Variants in GOLGA4 observed in about 807,000 individuals in gnomAD.
GOLGA4 encodes golgin A4, also known as golgin subfamily A member 4.
GOLGA4 carries 169 observed loss-of-function variants against 265.9 expected under a neutral mutation model. The ratio of observed to expected loss-of-function variants is 0.64; its 90% CI spans 0.56 to 0.72. The LOEUF is 0.72. Among genes scored for constraint, GOLGA4 ranks in the 30% least tolerant of loss-of-function variants. GOLGA4 has a pLI of 0.00. For synonymous variants in GOLGA4, 923 were observed against 855.8 expected, an observed-to-expected ratio of 1.08 and a Z score of -1.37; for missense variants, 2,482 against 2,483.4, an observed-to-expected ratio of 1.00 and a Z score of 0.01.
intron 21 of GOLGA4, among the ~76,000 whole-genome samples, chr3:37,350,541 T>G (rs2097070586): frequency 1.3e-5 from 2 of 152,114 alleles, no homozygotes; most frequent in Non-Finnish European, 2.9e-5. Flanking sequence ...TAAAAAAACC[T>G]TTATAGATAG....
intron 4 of GOLGA4, among the ~76,000 whole-genome samples, 185 bp downstream of exon 4, chr3:37,286,246 C>T (rs529869487): frequency 0.014 from 2,030 of 148,358 alleles, 46 homozygotes; most frequent in African/African-American, 0.048. Context: ...CTCCGCCTCC[C>T]GGGTTCACGC....
At chr3:37,254,772 G>C (rs914788357) in intron 2 of GOLGA4, among the ~76,000 whole-genome samples, 6 of 150,424 alleles carry the variant, frequency 4.0e-5, no homozygotes, top group African/African-American at 1.2e-4. Flanking sequence ...AAAGTGCTGG[G>C]ATTACGGGCG....
chr3:37,337,552 G>A lies in GOLGA4; in HGVS notation c.6328-114G>A, dbSNP rs2097018347. 5 of 702,962 alleles carry A rather than the reference G, an allele frequency of 7.1e-6. 1 individual carries two copies. The Admixed American group carries it at 8.7e-5, about 12-fold the overall frequency. The allele number at this position is 702,962 out of a possible 1,614,324, so 43.5% of individuals were successfully genotyped here. On this transcript the variant is annotated intron_variant, in intron 18 of 23. Coordinates refer to ENST00000361924, the MANE Select transcript of GOLGA4 (RefSeq NM_002078.5). ...AAGTCATGCATTTTAGGGGTATTCA[G>A]TGTTATAAGTTAAAACTTAAAAAGA...
Position 37,324,967 on chromosome 3 carries a change from A to C in GOLGA4, c.3081A>C (p.Glu1027Asp), listed in dbSNP as rs770279303. 1.2e-6 allele frequency: 2 copies of C among 1,613,514 alleles called. No individual in the cohort carries two copies. Among genetic ancestry groups the C allele is most frequent in the South Asian group, 2.2e-5 (2 of 91,026 alleles). The change falls in exon 14 of 24, where the codon GAA becomes GAC. Residue 1027 changes from glutamate to aspartate, a missense_variant. This residue lies in a region of GOLGA4 where 1,536 missense variants were observed against 1,483.7 expected (regional missense o/e 1.04). Transcript: ENST00000361924. Reference sequence around the variant, plus strand: ...CAAGACTGGAAACAAACCAAAAAGAACAAATAGAAAGTCTTACTGAGGTTC... The same window carrying C: ...CAAGACTGGAAACAAACCAAAAAGACCAAATAGAAAGTCTTACTGAGGTTC... ...AVSRLETNQK[E>D]QIESLTEVHR... is the part of the protein sequence containing the mutation.
chr3:37,308,715 A>G (rs943529371), intron 10 of GOLGA4, among the ~76,000 whole-genome samples: 2 of 151,798 alleles, frequency 1.3e-5, no homozygotes, highest in African/African-American at 4.8e-5. Flanking sequence ...TCCTGGGTTC[A>G]AGCAATTCTC....
At chr3:37,288,276 ATT>A (rs79865454) in intron 4 of GOLGA4, among the ~76,000 whole-genome samples, 1 of 137,044 alleles carries the variant, frequency 7.3e-6, no homozygotes, top group Admixed American at 7.3e-5. Context: ...TAATTTTTGA[ATT>A]TTTTTTTTTT....
At chr3:37,341,711 C>T (rs1348609749) in intron 20 of GOLGA4, 1 of 152,154 alleles carries the variant, frequency 6.6e-6, no homozygotes, top group Non-Finnish European at 1.5e-5. Flanking sequence ...TAAGCAGGGT[C>T]AGGCCTGGTT....
intron 5 of GOLGA4, among the ~76,000 whole-genome samples, chr3:37,292,478 G>GAGATCGAGACCATCCTGGCCAAC (rs1412982123): frequency 6.6e-6 from 1 of 152,178 alleles, no homozygotes; most frequent in Middle Eastern, 3.2e-3. Flanking sequence ...ACGAGGTCAA[G>GAGATCGAGACCATCCTGGCCAAC]AGATCGAGAC....
intron 5 of GOLGA4, among the ~76,000 whole-genome samples, chr3:37,290,495 C>A (rs147811769): frequency 6.6e-6 from 1 of 152,072 alleles, no homozygotes; most frequent in Non-Finnish European, 1.5e-5. Context: ...CAAATAAATT[C>A]TTTAAAACAT....
At chr3:37,263,973 A>G (rs765565465) in intron 2 of GOLGA4, among the ~76,000 whole-genome samples, 1 of 152,152 alleles carries the variant, frequency 6.6e-6, no homozygotes, top group African/African-American at 2.4e-5. Flanking sequence ...AGACTTTCTC[A>G]GGCATAAGAA....
chr3:37,355,227 C>G, intron 22 of GOLGA4, 40 bp downstream of exon 22: 1 of 1,023,266 alleles, frequency 9.8e-7, no homozygotes, highest in Non-Finnish European at 1.6e-6. Context: ...AGATGATTTC[C>G]CATCTGTTTA....
At chr3:37,257,335 T>G (rs2150631379) in intron 2 of GOLGA4, among the ~76,000 whole-genome samples, 1 of 152,292 alleles carries the variant, frequency 6.6e-6, no homozygotes, top group South Asian at 2.1e-4. Flanking sequence ...AGACCTGGAA[T>G]AGACTGGTGA....
At chr3:37,252,295 A>G (rs2096736136) in intron 2 of GOLGA4, among the ~76,000 whole-genome samples, 1 of 147,760 alleles carries the variant, frequency 6.8e-6, no homozygotes, top group Non-Finnish European at 1.5e-5. Flanking sequence ...ACCATCCTGA[A>G]TTTTTGGTAT....
At position 37,283,894 on chromosome 3, in the gene GOLGA4, T is replaced by C. The variant is rs185752500; in HGVS notation, c.477+1622T>C. Among the ~76,000 whole-genome samples, 277 of 152,290 alleles carry C rather than the reference T, an allele frequency of 1.8e-3. 3 individuals are homozygous for C. Among genetic ancestry groups the C allele is most frequent in the Non-Finnish European group, 1.8e-4 (12 of 68,014 alleles). On this transcript the variant is annotated intron_variant, in intron 3 of 23. Transcript: ENST00000361924. ...CCCGTAGATGTTAATTAGCTCAGTT[T>C]TGTAGAAGAAGGATTGGAGACTCAT...
intron 21 of GOLGA4, among the ~76,000 whole-genome samples, chr3:37,348,856 TAGCATA>T (rs371818610): frequency 1.3e-5 from 2 of 152,144 alleles, no homozygotes; most frequent in African/African-American, 2.4e-5. Context: ...AAGAAAGACC[TAGCATA>T]AGCATAAGCA....
In GOLGA4 at chr3:37,294,973, T is replaced by A. The variant is rs920051427; in HGVS notation, c.583-6T>A. On this transcript the variant is annotated splice_region_variant and splice_polypyrimidine_tract_variant and intron_variant, in intron 5 of 23. Coordinates refer to ENST00000361924, the MANE Select transcript of GOLGA4 (RefSeq NM_002078.5). ...AAAATTACCTGTAAATCATTTTATG[T>A]TTTAGGAGCTCCAAATGGACCAGCA... 5 of 1,567,230 alleles carry A rather than the reference T, an allele frequency of 3.2e-6. No individual in the cohort carries two copies. The highest frequency in any genetic ancestry group is 4.3e-6 in the Non-Finnish European group (5 of 1,151,840).
Position 37,327,166 on chromosome 3 carries a change from AGAG to A in GOLGA4, c.5281_5283del (p.Glu1761del). 6.2e-7 allele frequency: 1 copy of A among 1,613,918 alleles called. No homozygotes were observed. Among genetic ancestry groups the A allele is most frequent in the Non-Finnish European group, 8.5e-7 (1 of 1,179,852 alleles). The stretch of plus-strand genomic sequence containing the variant: ...TGCAGAGGGTAGGGCAGGAAAAAGA[AGAG>A]ACAGTTTCTTCTCATTTTGAAATGC... On this transcript the variant is annotated inframe_deletion, in exon 14 of 24. Coordinates refer to ENST00000361924, the MANE Select transcript of GOLGA4 (RefSeq NM_002078.5).
intron 10 of GOLGA4, among the ~76,000 whole-genome samples, chr3:37,303,800 C>A (rs2096899322): frequency 1.3e-5 from 2 of 152,180 alleles, no homozygotes; most frequent in South Asian, 4.1e-4. Context: ...ACTACTACTG[C>A]TGCTACTATT....
At chr3:37,318,461 T>C (rs1454231809) in intron 11 of GOLGA4, among the ~76,000 whole-genome samples, 1 of 152,236 alleles carries the variant, frequency 6.6e-6, no homozygotes, top group Non-Finnish European at 1.5e-5. Flanking sequence ...TTTAATTTTA[T>C]AATATGCTGT....
Sources: allele counts gnomAD v4.1 joint callset (sites outside exome capture counted in the v4.1 genomes callset), GRCh38; gene constraint gnomAD v4.1.1; regional missense constraint gnomAD v4.1.1; transcripts MANE v1.5; gene names NCBI Gene and HGNC (gene_info 2026-07-23, HGNC 2026-07-21).